The following AGBL1 variants were observed in gnomAD, a reference collection of about 807,000 sequenced individuals.
AGBL1 encodes the protein cytosolic carboxypeptidase 4.
AGBL1 carries 130 observed loss-of-function variants against 118.9 expected under a neutral mutation model. The observed-to-expected ratio is 1.09, with a 90% CI of 0.95 to 1.26. The LOEUF (loss-of-function observed/expected upper bound fraction) is 1.26, where lower values mean the gene tolerates loss of function less well. AGBL1 is among the 50% of genes most tolerant of loss of function. AGBL1 has a pLI of 0.00. For synonymous variants in AGBL1, 555 were observed against 478.9 expected (o/e 1.16, Z -2.08); for missense variants, 1,584 against 1,298.1 (o/e 1.22, Z -3.38).
At chr15:86,942,517 G>A (rs1259532779) in intron 23 of AGBL1, among the ~76,000 whole-genome samples, 16 of 152,130 alleles carry the variant, frequency 1.1e-4, no homozygotes, top group Admixed American at 1.0e-3. Context: ...CTCTCACTCA[G>A]TTCCAGGAAC....
chr15:86,904,116 C>G (rs1022751407), intron 22 of AGBL1, among the ~76,000 whole-genome samples: 2 of 152,190 alleles, frequency 1.3e-5, no homozygotes, highest in Non-Finnish European at 2.9e-5. Context: ...AAGCTGCCCC[C>G]TTCCTCATCG....
At chr15:86,339,605 C>T (rs77979415) in intron 17 of AGBL1, among the ~76,000 whole-genome samples, 5,487 of 152,232 alleles carry the variant, frequency 0.036, 174 homozygotes, top group African/African-American at 0.088. Flanking sequence ...ATTCTTCTTT[C>T]CCTCCATTCT....
chr15:87,011,999 T>C (rs954547308), intron 24 of AGBL1, among the ~76,000 whole-genome samples: 1 of 151,122 alleles, frequency 6.6e-6, no homozygotes, highest in Non-Finnish European at 1.5e-5. Flanking sequence ...GAAAAAAAAA[T>C]AGCCAATTTA....
intron 22 of AGBL1, among the ~76,000 whole-genome samples, chr15:86,794,021 C>T (rs1388276358): frequency 6.6e-6 from 1 of 152,174 alleles, no homozygotes; most frequent in African/African-American, 2.4e-5. Flanking sequence ...ATGGTGTATC[C>T]ACTTTGGAAA....
intron 23 of AGBL1, among the ~76,000 whole-genome samples, chr15:86,948,611 G>A (rs1237083483): frequency 6.6e-6 from 1 of 152,180 alleles, no homozygotes; most frequent in Non-Finnish European, 1.5e-5. Context: ...TCTAGCCAAC[G>A]AGTGATTGAA....
chr15:86,981,641 A>C (rs1417948746), intron 23 of AGBL1, among the ~76,000 whole-genome samples: 1 of 152,106 alleles, frequency 6.6e-6, no homozygotes, highest in Non-Finnish European at 1.5e-5. Context: ...TACTTTTGAA[A>C]CTTTTAATAC....
In AGBL1 at chr15:86,613,234, T is replaced by G. The variant is rs1010615928; in HGVS notation, c.2994+58697T>G. Among the ~76,000 whole-genome samples the G allele has an allele frequency of 5.9e-5, 9 of 152,176 alleles. No homozygotes were observed. The highest frequency in any genetic ancestry group is 2.2e-4 in the African/African-American group (9 of 41,446). ...AGAAGAAAACAAATTAAAGCAGGAA[T>G]CGGAGCGAGAGGTTTGTTGGTTTTG... is the stretch of plus-strand genomic sequence containing the variant. On this transcript the variant is annotated intron_variant, in intron 21 of 22. Coordinates refer to ENST00000614907, the MANE Select transcript of AGBL1 (RefSeq NM_001386094.1). The surrounding 1 kb of genome is among the most constrained non-coding windows in gnomAD (Gnocchi z 4.2).
At chr15:86,685,013 G>T (rs1305484747) in intron 22 of AGBL1, among the ~76,000 whole-genome samples, 2 of 152,194 alleles carry the variant, frequency 1.3e-5, no homozygotes, top group East Asian at 3.9e-4. Context: ...ACAGAAAGGA[G>T]TTGTAAACAA....
chr15:86,378,172 C>A (rs1256070404), intron 17 of AGBL1, among the ~76,000 whole-genome samples: 1 of 152,038 alleles, frequency 6.6e-6, no homozygotes, highest in Non-Finnish European at 1.5e-5. Flanking sequence ...AAGAGTGGGG[C>A]AAATTTCAGA....
chr15:86,500,277 T>A (rs1330981985), intron 18 of AGBL1, among the ~76,000 whole-genome samples: 1 of 151,808 alleles, frequency 6.6e-6, no homozygotes, highest in Admixed American at 6.6e-5. Flanking sequence ...TTCTTGATAA[T>A]CATTAGGTTT....
chr15:86,883,156 TTTAAA>T lies in AGBL1; in HGVS notation c.3159-23925_3159-23921del, dbSNP rs559726314. Among the ~76,000 whole-genome samples, 97 of 152,354 alleles carry T rather than the reference TTTAAA, an allele frequency of 6.4e-4. No individual in the cohort carries two copies. In the South Asian group the frequency reaches 0.019, roughly 30 times the overall value. On this transcript the variant is annotated intron_variant, in intron 22 of 22. Coordinates refer to ENST00000614907, the MANE Select transcript of AGBL1 (RefSeq NM_001386094.1). ...AACATTGCTTCCATTAATTATGTTTTTTAAATTAAACAGCTAATTTTGAACAAGTT... is the reference window on the plus strand; with the variant it reads ...AACATTGCTTCCATTAATTATGTTTTTTAAACAGCTAATTTTGAACAAGTT...
At chr15:86,619,132 T>TAA (rs1306370800) in intron 21 of AGBL1, among the ~76,000 whole-genome samples, 1 of 152,040 alleles carries the variant, frequency 6.6e-6, no homozygotes, top group African/African-American at 2.4e-5. Flanking sequence ...TATATATATA[T>TAA]CAAGTGCCTG....
chr15:86,931,858 C>G (rs960835286), intron 23 of AGBL1, among the ~76,000 whole-genome samples: 1 of 152,066 alleles, frequency 6.6e-6, no homozygotes, highest in South Asian at 2.1e-4. Flanking sequence ...TTTGCAGAAT[C>G]TTTATTTGAA....
At chr15:86,710,642 T>A (rs1372054492) in intron 22 of AGBL1, among the ~76,000 whole-genome samples, 1 of 152,208 alleles carries the variant, frequency 6.6e-6, no homozygotes, top group Non-Finnish European at 1.5e-5. Context: ...AATTCTTTTT[T>A]AAGTCGCCTG....
chr15:86,455,379 C>T (rs2082247162), intron 18 of AGBL1, among the ~76,000 whole-genome samples: 1 of 152,162 alleles, frequency 6.6e-6, no homozygotes, highest in South Asian at 2.1e-4. Context: ...GTTTTCAAAG[C>T]TATTTTTCGA....
intron 7 of AGBL1, among the ~76,000 whole-genome samples, chr15:86,249,584 C>T (rs1429138754): frequency 6.6e-6 from 1 of 152,158 alleles, no homozygotes; most frequent in Non-Finnish European, 1.5e-5. Context: ...CTTCCTCATG[C>T]TTTCTAAGCT....
chr15:86,778,859 G>A (rs554057256), intron 22 of AGBL1, among the ~76,000 whole-genome samples: 18 of 152,310 alleles, frequency 1.2e-4, no homozygotes, highest in Admixed American at 3.3e-4. Context: ...ATTGATTGGC[G>A]AAGTGATAAG....
chr15:86,541,275 T>C (rs575462288), intron 19 of AGBL1, among the ~76,000 whole-genome samples: 16 of 152,228 alleles, frequency 1.1e-4, no homozygotes, highest in Admixed American at 5.9e-4. Flanking sequence ...TTGCCAGAAA[T>C]GCAAATTCTT....
chr15:86,187,145 T>A lies in AGBL1; in HGVS notation c.488+28119T>A, dbSNP rs966102015. Among the ~76,000 whole-genome samples, 3 of 152,100 alleles carry A rather than the reference T, an allele frequency of 2.0e-5. No homozygotes were observed. In the East Asian group the frequency reaches 5.8e-4, roughly 29 times the overall value. On this transcript the variant is annotated intron_variant, in intron 5 of 22. Transcript: ENST00000614907. The stretch of plus-strand genomic sequence containing the variant: ...GAATGAAAACCAACACACACCCCCA[T>A]CCACAAATCAGTTAACAAGATTGTA...
Sources: gnomAD v4.1 joint callset for allele counts (sites outside exome capture counted in the v4.1 genomes callset) on GRCh38, gnomAD v4.1.1 for gene constraint, Gnocchi (gnomAD v3.1) non-coding constraint, MANE v1.5 for transcripts, NCBI Gene and HGNC (gene_info 2026-07-23, HGNC 2026-07-21) for gene names.